FARP1: variants seen among roughly 807,000 people sequenced by gnomAD.
FARP1 encodes FERM, ARHGEF and pleckstrin domain-containing protein 1.
Under a neutral mutation model 128.8 loss-of-function variants are expected in FARP1, and 52 were observed. The observed-to-expected ratio is 0.40, with a 90% CI of 0.32 to 0.51. The LOEUF (loss-of-function observed/expected upper bound fraction) is 0.51, where lower values mean the gene tolerates loss of function less well. FARP1 is among the 20% of genes least tolerant of loss of function. The probability of loss-of-function intolerance (pLI) is 0.45; values close to 1 mark genes in which losing one functional copy is unlikely to be tolerated. For synonymous variants in FARP1, 580 were observed against 551.8 expected (o/e 1.05, Z -0.72); for missense variants, 1,333 against 1,367.9 (o/e 0.97, Z 0.40).
chr13:98,237,232 A>T (rs2139429404), intron 2 of FARP1, among the ~76,000 whole-genome samples: 1 of 151,812 alleles, frequency 6.6e-6, no homozygotes, highest in East Asian at 1.9e-4. Flanking sequence ...TGAACCTGGG[A>T]TGCGGAGGTT....
chr13:98,312,636 A>G (rs984854791), intron 2 of FARP1, among the ~76,000 whole-genome samples: 3 of 152,102 alleles, frequency 2.0e-5, no homozygotes, highest in African/African-American at 7.2e-5. Flanking sequence ...TAATTAGTAC[A>G]CCCAGCTGGG....
intron 6 of FARP1, 105 bp downstream of exon 6, chr13:98,378,023 T>C (rs1889667468): frequency 2.2e-6 from 2 of 890,100 alleles, no homozygotes; most frequent in Non-Finnish European, 3.6e-6. Flanking sequence ...TCAATGTTTT[T>C]GTGTTATTTT....
Position 98,384,506 on chromosome 13 carries a change from C to G in FARP1, c.497-224C>G. ...CTGTGCCTGACCTTGAAGCTTCTTTCTGACTGATAGAGATGAGGAGGGGAG... is the reference window on the plus strand; with the variant it reads ...CTGTGCCTGACCTTGAAGCTTCTTTGTGACTGATAGAGATGAGGAGGGGAG... On this transcript the variant is annotated intron_variant, in intron 6 of 26. Transcript: ENST00000319562. 5.3e-6 allele frequency: 3 copies of G among 561,428 alleles called. No individual in the cohort carries two copies. The South Asian group carries it at 7.0e-5, about 13-fold the overall frequency. The allele number at this position is 561,428 out of a possible 1,614,324, so 34.8% of individuals were successfully genotyped here.
chr13:98,162,183 T>C (rs955069099), intron 1 of FARP1, among the ~76,000 whole-genome samples: 2 of 152,072 alleles, frequency 1.3e-5, no homozygotes, highest in Non-Finnish European at 1.5e-5. Context: ...GGTTAGAAAA[T>C]AGAACTGTAG....
intron 3 of FARP1, among the ~76,000 whole-genome samples, chr13:98,358,217 C>G (rs1425030169): frequency 6.6e-6 from 1 of 151,934 alleles, no homozygotes; most frequent in Non-Finnish European, 1.5e-5. Flanking sequence ...CCTGAACTCT[C>G]CCCTCCATCT....
At chr13:98,395,677 A>G in intron 13 of FARP1, 1 of 610,708 alleles carries the variant, frequency 1.6e-6, no homozygotes, top group Non-Finnish European at 2.6e-6. Flanking sequence ...GGAGGGGCGA[A>G]GAGAGGCTGG....
In FARP1 at chr13:98,177,058, G is replaced by T. The variant is rs1413114605; in HGVS notation, c.-24+33566G>T. On this transcript the variant is annotated intron_variant, in intron 1 of 26. Coordinates refer to ENST00000319562, the MANE Select transcript of FARP1 (RefSeq NM_005766.4). Reference sequence around the variant, plus strand: ...GCCCCGGGGCCTCGGTGCCACCCGCGGGGGCTGAGCCACTGTGTCGCCCTC... The same window carrying T: ...GCCCCGGGGCCTCGGTGCCACCCGCTGGGGCTGAGCCACTGTGTCGCCCTC... 1.9e-6 allele frequency: 3 copies of T among 1,594,946 alleles called. No homozygotes were observed. The South Asian group carries it at 3.3e-5, about 18-fold the overall frequency.
chr13:98,397,591 T>G (rs1041938149), intron 13 of FARP1: 4 of 152,224 alleles, frequency 2.6e-5, no homozygotes, highest in African/African-American at 9.6e-5. Flanking sequence ...AGCCTGGTTT[T>G]CACTTGAAGT....
intron 16 of FARP1, among the ~76,000 whole-genome samples, chr13:98,418,272 TTTGTTTTTTG>T (rs1240693180): frequency 6.1e-4 from 88 of 143,720 alleles, no homozygotes; most frequent in African/African-American, 2.4e-3. Context: ...TTTGTTTTGT[TTTGTTTTTTG>T]TTTTTTTTTT....
At chr13:98,191,076 C>T (rs1397452926) in intron 1 of FARP1, among the ~76,000 whole-genome samples, 2 of 152,192 alleles carry the variant, frequency 1.3e-5, no homozygotes, top group African/African-American at 4.8e-5. Flanking sequence ...AGGACCTTTC[C>T]TCTCCGGCCC....
At chr13:98,388,556 G>A (rs546739955) in intron 9 of FARP1, 78 bp downstream of exon 9, 51 of 1,111,446 alleles carry the variant, frequency 4.6e-5, no homozygotes, top group East Asian at 3.8e-4. Context: ...AGGTCTGCTT[G>A]GCAGGGCTTC....
intron 2 of FARP1, among the ~76,000 whole-genome samples, chr13:98,259,027 G>C (rs545427258): frequency 7.4e-4 from 113 of 152,220 alleles, no homozygotes; most frequent in Non-Finnish European, 1.4e-3. Context: ...GGGCAACATA[G>C]TGAGACCCTG....
rs1883173449 is a variant in FARP1, at chr13:98,248,444, A to G, written c.171+35031A>G. On this transcript the variant is annotated intron_variant, in intron 2 of 26. Coordinates refer to ENST00000319562, the MANE Select transcript of FARP1 (RefSeq NM_005766.4). ...ACATAATACAGTATCCTTTTATAGG[A>G]TGGGATAGTGTCAGGAAACAAAATG... Among the ~76,000 whole-genome samples the G allele has an allele frequency of 2.0e-5, 3 of 152,152 alleles. No homozygotes were observed. The South Asian group carries it at 6.2e-4, about 32-fold the overall frequency.
chr13:98,231,062 C>A (rs771196401), intron 2 of FARP1, among the ~76,000 whole-genome samples: 1 of 152,052 alleles, frequency 6.6e-6, no homozygotes, highest in Non-Finnish European at 1.5e-5. Flanking sequence ...AACTGCCCCC[C>A]CCATAATTCA....
chr13:98,194,608 A>G (rs1879456865), intron 1 of FARP1, among the ~76,000 whole-genome samples: 1 of 152,222 alleles, frequency 6.6e-6, no homozygotes, highest in Non-Finnish European at 1.5e-5. Flanking sequence ...GGAAAATAAC[A>G]ATTTATTACT....
Position 98,412,122 on chromosome 13 carries a change from G to A in FARP1, c.1826+88G>A, listed in dbSNP as rs1594506599. On this transcript the variant is annotated intron_variant, in intron 16 of 26. Transcript: ENST00000319562. Reference sequence around the variant, plus strand: ...TCGTCCCTGGGTAGGCAGCAGGCAGGAACAAAGATGAAAGGCAGGAAACTG... The same window carrying A: ...TCGTCCCTGGGTAGGCAGCAGGCAGAAACAAAGATGAAAGGCAGGAAACTG... 3.8e-6 allele frequency: 5 copies of A among 1,312,928 alleles called. No individual in the cohort carries two copies. The South Asian group carries it at 5.4e-5, about 14-fold the overall frequency. The allele number at this position is 1,312,928 out of a possible 1,614,324, so 81.3% of individuals were successfully genotyped here. A position where few individuals can be genotyped will look rare whatever the true frequency, so the allele number is the denominator to read the frequency against.
intron 2 of FARP1, among the ~76,000 whole-genome samples, chr13:98,239,895 C>T (rs1298269377): frequency 2.0e-5 from 3 of 152,084 alleles, no homozygotes; most frequent in Non-Finnish European, 4.4e-5. Context: ...TTGTTTGCCT[C>T]CCAGCAGGTG....
At chr13:98,280,554 G>A (rs1326733815) in intron 2 of FARP1, among the ~76,000 whole-genome samples, 1 of 152,212 alleles carries the variant, frequency 6.6e-6, no homozygotes, top group Non-Finnish European at 1.5e-5. Context: ...GAGCCTGGCC[G>A]GACACCCGGT....
intron 2 of FARP1, among the ~76,000 whole-genome samples, 158 bp from the exon 3 acceptor site, chr13:98,343,604 T>A (rs1888060238): frequency 6.6e-6 from 1 of 152,000 alleles, no homozygotes; most frequent in Non-Finnish European, 1.5e-5. Context: ...TACGGAGGTG[T>A]AGATGGGGCT....
Sources: allele counts gnomAD v4.1 joint callset (sites outside exome capture counted in the v4.1 genomes callset), GRCh38; gene constraint gnomAD v4.1.1; transcripts MANE v1.5; gene names NCBI Gene and HGNC (gene_info 2026-07-23, HGNC 2026-07-21).